The following VRTN variants were observed in gnomAD, a reference collection of about 807,000 sequenced individuals.
VRTN encodes the protein vertnin.
VRTN carries 5 observed loss-of-function variants against 18.2 expected under a neutral mutation model. The observed-to-expected ratio is 0.27, with a 90% confidence interval of 0.14 to 0.58. The LOEUF (loss-of-function observed/expected upper bound fraction) is 0.58, where lower values mean the gene tolerates loss of function less well. Among genes scored for constraint, VRTN ranks in the 20% least tolerant of loss-of-function variants. VRTN has a pLI of 0.91. For synonymous variants in VRTN, 381 were observed against 393.7 expected, an observed-to-expected ratio of 0.97 and a Z score of 0.38; for missense variants, 741 against 939.4, an observed-to-expected ratio of 0.79 and a Z score of 2.76.
chr14:74,309,237 C>T (rs1189915391), intron 1 of VRTN, among the ~76,000 whole-genome samples: 2 of 152,060 alleles, frequency 1.3e-5, no homozygotes, highest in African/African-American at 4.8e-5. Context: ...TCATTTTGTG[C>T]GTTTACTTCA....
chr14:74,332,844 A>G (rs938605491), intron 1 of VRTN, among the ~76,000 whole-genome samples: 10 of 152,076 alleles, frequency 6.6e-5, no homozygotes, highest in Admixed American at 3.3e-4. Flanking sequence ...TGCATCTTCC[A>G]TTGCTTCCTT....
chr14:74,305,081 C>T (rs1237980308), intron 1 of VRTN, among the ~76,000 whole-genome samples: 1 of 152,004 alleles, frequency 6.6e-6, no homozygotes, highest in African/African-American at 2.4e-5. Flanking sequence ...CCTGTAATCC[C>T]AGCGCTTTTG....
At chr14:74,336,007 C>T (rs2085561484) in intron 1 of VRTN, among the ~76,000 whole-genome samples, 1 of 151,628 alleles carries the variant, frequency 6.6e-6, no homozygotes, top group African/African-American at 2.4e-5. Context: ...TCTCAAAGTG[C>T]TGGTATTACA....
chr14:74,329,614 T>C (rs554215025), intron 1 of VRTN, among the ~76,000 whole-genome samples: 120 of 151,452 alleles, frequency 7.9e-4, no homozygotes, highest in Non-Finnish European at 1.4e-3. Context: ...AGTCTCACTC[T>C]GTTGCCCAGG....
At chr14:74,345,194 A>G (rs2085635581), upstream of VRTN, among the ~76,000 whole-genome samples, 1 of 151,652 alleles carries the variant, frequency 6.6e-6, no homozygotes, top group South Asian at 2.1e-4. Flanking sequence ...ACAGGTTCAT[A>G]CCACCATGCC....
upstream of VRTN, among the ~76,000 whole-genome samples, chr14:74,346,544 G>A (rs923159972): frequency 6.6e-6 from 1 of 152,140 alleles, no homozygotes; most frequent in African/African-American, 2.4e-5. Flanking sequence ...CTTCCGAGTA[G>A]CTGGGACTAT....
chr14:74,349,685 C>T (rs963511450), intron 1 of VRTN, among the ~76,000 whole-genome samples: 3 of 152,110 alleles, frequency 2.0e-5, no homozygotes, highest in African/African-American at 7.2e-5. Context: ...ACTCTTAAGA[C>T]GCAGGGGACA....
upstream of VRTN, among the ~76,000 whole-genome samples, chr14:74,344,777 T>C (rs1248841187): frequency 8.0e-6 from 1 of 125,068 alleles, no homozygotes; most frequent in African/African-American, 3.5e-5. Context: ...AAAATATGTG[T>C]GTAACCCTCT....
At position 74,358,593 on chromosome 14, in the gene VRTN, T is replaced by C. The variant is rs779754626; in HGVS notation, c.1810T>C (p.Ser604Pro). 8 of 1,600,588 alleles carry C rather than the reference T, an allele frequency of 5.0e-6. No individual in the cohort carries two copies. In the Admixed American group the frequency reaches 5.1e-5, roughly 10 times the overall value. Residue 604 changes from serine (S) to proline (P), a missense_variant, in exon 2 of 2, where the codon TCC (serine) becomes CCC (proline). Around this residue, in one of 3 missense-constraint regions of VRTN, gnomAD observed 494 missense variants for 546.5 expected, o/e 0.90. Coordinates refer to ENST00000256362, the MANE Select transcript of VRTN (RefSeq NM_018228.3). The surrounding 1 kb of genome is among the most constrained non-coding windows in gnomAD (Gnocchi z 5.4). ...ASSEDVEGGP[S>P]REGALQEGAT... Reference sequence around the variant, plus strand: ...TTCAGAAGATGTAGAGGGAGGGCCTTCCAGAGAGGGGGCCCTGCAGGAGGG... The same window carrying C: ...TTCAGAAGATGTAGAGGGAGGGCCTCCCAGAGAGGGGGCCCTGCAGGAGGG...
At chr14:74,353,076 A>G (rs2085697525) in intron 1 of VRTN, among the ~76,000 whole-genome samples, 1 of 152,022 alleles carries the variant, frequency 6.6e-6, no homozygotes, top group Non-Finnish European at 1.5e-5. Context: ...GGATCACCTG[A>G]GGTCAGGAGT....
upstream of VRTN, among the ~76,000 whole-genome samples, chr14:74,343,869 C>T (rs923849099): frequency 8.6e-5 from 13 of 151,960 alleles, no homozygotes; most frequent in African/African-American, 2.9e-4. Context: ...GATCTCGGCT[C>T]ACTGCAACCT....
intron 1 of VRTN, among the ~76,000 whole-genome samples, chr14:74,321,823 A>G (rs554895966): frequency 7.2e-6 from 1 of 139,184 alleles, no homozygotes; most frequent in Admixed American, 7.3e-5. Context: ...CATTTTTAAA[A>G]TGTATTTTTA....
chr14:74,345,028 T>C (rs964323853), upstream of VRTN, among the ~76,000 whole-genome samples: 2 of 152,142 alleles, frequency 1.3e-5, no homozygotes, highest in African/African-American at 4.8e-5. Context: ...CCTGATCTTT[T>C]TGTAAAATTT....
chr14:74,351,965 TCCCGAGTAGCTGGGACTA>T (rs2085688132), intron 1 of VRTN, among the ~76,000 whole-genome samples: 1 of 151,988 alleles, frequency 6.6e-6, no homozygotes, highest in Non-Finnish European at 1.5e-5. Flanking sequence ...TGCCTCAGCC[TCCCGAGTAGCTGGGACTA>T]CAGGCGCGGG....
rs2085730549 is a variant in VRTN at position 74,356,812 on chromosome 14, A to T, written c.29A>T (p.Lys10Met). ...ACTTCTCGGAACCAGCTGGTGCAGA[A>T]GGTGCTGCAGGAGCTGCAGGAAGCA... Reference protein sequence around the residue: MTSRNQLVQKVLQELQEAVE... With the variant: MTSRNQLVQMVLQELQEAVE... The change falls in exon 2 of 2, where the codon AAG (lysine) becomes ATG (methionine). Residue 10 changes from lysine to methionine, a missense_variant. Coordinates refer to ENST00000256362, the MANE Select transcript of VRTN (RefSeq NM_018228.3). The T allele has an allele frequency of 6.2e-7, 1 of 1,604,864 alleles. No homozygotes were observed. Among genetic ancestry groups the T allele is most frequent in the Non-Finnish European group, 8.5e-7 (1 of 1,174,922 alleles).
At chr14:74,316,122 G>A (rs933209878) in intron 1 of VRTN, among the ~76,000 whole-genome samples, 3 of 152,156 alleles carry the variant, frequency 2.0e-5, no homozygotes, top group African/African-American at 7.2e-5. Context: ...CTGGGCAGGG[G>A]GTCAACATGT....
Position 74,358,886 on chromosome 14 carries a change from T to C in VRTN, c.2103T>C (p.Asp701=), listed in dbSNP as rs2085759322. Residue 701 remains aspartate (D), a synonymous_variant, in exon 2 of 2, where the codon GAT becomes GAC. Coordinates refer to ENST00000256362, the MANE Select transcript of VRTN (RefSeq NM_018228.3). The surrounding 1 kb of genome is among the most constrained non-coding windows in gnomAD (Gnocchi z 5.4). ...TCTATGACGGCCTGACCCTGGTAGA[T>C]GGCTGACAGGGAGGTACAAAAGGGG... is the stretch of plus-strand genomic sequence containing the variant. ...RALYDGLTLV[D]G 1 of 1,607,544 alleles carries C rather than the reference T, an allele frequency of 6.2e-7. No homozygotes were observed. Among genetic ancestry groups the C allele is most frequent in the Non-Finnish European group, 8.5e-7 (1 of 1,175,830 alleles).
intron 2 of VRTN, among the ~76,000 whole-genome samples, chr14:74,340,255 G>C (rs762560280): frequency 6.6e-6 from 1 of 152,080 alleles, no homozygotes; most frequent in Non-Finnish European, 1.5e-5. Flanking sequence ...TGGGATTATA[G>C]GCATGTGCCA....
Position 74,357,096 on chromosome 14 carries a change from C to T in VRTN, c.313C>T (p.Arg105Trp), listed in dbSNP as rs150151126. ...WGDAGLSLEL[R>W]ARTVVEMLLH... ...TGACGCAGGCCTCAGCCTGGAGCTG[C>T]GGGCCCGCACCGTGGTAGAGATGCT... is the stretch of plus-strand genomic sequence containing the variant. Residue 105 changes from arginine to tryptophan, a missense_variant, in exon 2 of 2, where the codon CGG becomes TGG. By Grantham distance (101) the Arg-to-Trp change is moderately radical (BLOSUM62 -3). Transcript: ENST00000256362. The surrounding 1 kb of genome is among the most constrained non-coding windows in gnomAD (Gnocchi z 7.8). 6.2e-7 allele frequency: 1 copy of T among 1,603,968 alleles called. No homozygotes were observed. The highest frequency in any genetic ancestry group is 8.5e-7 in the Non-Finnish European group (1 of 1,177,004).
Sources: gnomAD v4.1 joint callset for allele counts (sites outside exome capture counted in the v4.1 genomes callset) on GRCh38, gnomAD v4.1.1 for gene constraint, gnomAD v4.1.1 regional missense constraint, Gnocchi (gnomAD v3.1) non-coding constraint, MANE v1.5 for transcripts, NCBI Gene and HGNC (gene_info 2026-07-23, HGNC 2026-07-21) for gene names.